CYP2C19: variants seen among roughly 807,000 people sequenced by gnomAD.
CYP2C19 encodes the protein cytochrome P450 2C19.
CYP2C19 carries 59 observed loss-of-function variants against 40.9 expected under a neutral mutation model. That is an observed-to-expected ratio of 1.44 (90% CI 1.17 to 1.79). The LOEUF (loss-of-function observed/expected upper bound fraction) is 1.79, where lower values mean the gene tolerates loss of function less well. Among genes scored for constraint, CYP2C19 ranks in the 40% most tolerant of loss-of-function variants. CYP2C19 has a pLI of 0.00. For synonymous variants in CYP2C19, 253 were observed against 208.7 expected (o/e 1.21, Z -1.83); for missense variants, 754 against 596.9 (o/e 1.26, Z -2.74).
At chr10:94,802,080 C>A (rs867847799) in intron 5 of CYP2C19, among the ~76,000 whole-genome samples, 13 of 152,008 alleles carry the variant, frequency 8.6e-5, no homozygotes, top group African/African-American at 3.1e-4. Flanking sequence ...GCTGATTGGT[C>A]CATTTTACCG....
intron 5 of CYP2C19, among the ~76,000 whole-genome samples, chr10:94,799,120 T>C (rs1303373715): frequency 6.6e-6 from 1 of 152,112 alleles, no homozygotes; most frequent in Non-Finnish European, 1.5e-5. Context: ...CAATTTAGCA[T>C]GTTTTTGTAG....
At chr10:94,823,008 C>T (rs1180268732) in intron 6 of CYP2C19, among the ~76,000 whole-genome samples, 2 of 151,740 alleles carry the variant, frequency 1.3e-5, no homozygotes, top group Non-Finnish European at 2.9e-5. Flanking sequence ...ATGTAGAGTA[C>T]AGGCAATAGT....
chr10:94,812,965 C>T lies in CYP2C19; in HGVS notation c.820-7531C>T, dbSNP rs147746596. On this transcript the variant is annotated intron_variant, in intron 5 of 8. Transcript: ENST00000371321. The stretch of plus-strand genomic sequence containing the variant: ...ATGTTCTGGTTTTTGAAATTTTCAG[C>T]CTTTTTGTGCTGTTTTTTTTTTCTC... Among the ~76,000 whole-genome samples, 119 of 151,498 alleles carry T rather than the reference C, an allele frequency of 7.9e-4. 3 individuals carry two copies. Among genetic ancestry groups the T allele is most frequent in the Middle Eastern group, 3.4e-3 (1 of 294 alleles).
At chr10:94,781,684 C>T (rs942697360) in intron 4 of CYP2C19, 137 bp from the exon 5 acceptor site, 8 of 357,460 alleles carry the variant, frequency 2.2e-5, no homozygotes, top group Non-Finnish European at 3.4e-5. Flanking sequence ...TACACATGTA[C>T]AATAAAAATT....
At chr10:94,781,534 A>G (rs532287106) in intron 4 of CYP2C19, among the ~76,000 whole-genome samples, 7 of 152,232 alleles carry the variant, frequency 4.6e-5, no homozygotes, top group Non-Finnish European at 1.0e-4. Context: ...TGTAGAGAAG[A>G]ATTGTTGTAA....
chr10:94,787,344 GT>G (rs1404277694), intron 5 of CYP2C19, among the ~76,000 whole-genome samples: 1 of 151,960 alleles, frequency 6.6e-6, no homozygotes, highest in African/African-American at 2.4e-5. Flanking sequence ...GAAGTTATTT[GT>G]TTTTTAACTT....
chr10:94,792,150 T>G (rs1179795791), intron 5 of CYP2C19, among the ~76,000 whole-genome samples: 2 of 152,230 alleles, frequency 1.3e-5, no homozygotes, highest in East Asian at 1.9e-4. Flanking sequence ...TCTTTGTTGG[T>G]TAAAGTCTGT....
intron 1 of CYP2C19, among the ~76,000 whole-genome samples, chr10:94,767,505 C>T (rs761495974): frequency 4.6e-5 from 7 of 152,162 alleles, no homozygotes; most frequent in Admixed American, 1.3e-4. Flanking sequence ...ATTGAAATCC[C>T]TTTGACTTAG....
At chr10:94,767,143 G>A (rs374146876) in intron 1 of CYP2C19, among the ~76,000 whole-genome samples, 10 of 152,130 alleles carry the variant, frequency 6.6e-5, no homozygotes, top group African/African-American at 1.9e-4. Flanking sequence ...TGAGAATTTC[G>A]GATTCTCAAC....
chr10:94,829,639 CCTT>C (rs1849294604), intron 6 of CYP2C19, among the ~76,000 whole-genome samples: 1 of 151,760 alleles, frequency 6.6e-6, no homozygotes, highest in Non-Finnish European at 1.5e-5. Flanking sequence ...TCGTCTGAAG[CCTT>C]CTTCTCTCAG....
intron 5 of CYP2C19, among the ~76,000 whole-genome samples, chr10:94,798,986 C>T (rs1406219058): frequency 3.3e-5 from 5 of 151,924 alleles, no homozygotes; most frequent in East Asian, 1.9e-4. Flanking sequence ...TTAATTGGGG[C>T]ACTTAGCCCA....
At chr10:94,850,162 T>C (rs1849631443) in intron 8 of CYP2C19, 104 bp downstream of exon 8, 1 of 1,343,408 alleles carries the variant, frequency 7.4e-7, no homozygotes, top group African/African-American at 1.4e-5. Context: ...TTACTCTTTG[T>C]ACATGATCAA....
chr10:94,770,756 A>T (rs999688390), intron 1 of CYP2C19, among the ~76,000 whole-genome samples: 1 of 152,170 alleles, frequency 6.6e-6, no homozygotes, highest in African/African-American at 2.4e-5. Context: ...GACATCATTG[A>T]ATAATTCATG....
rs1330964239 is a variant in CYP2C19, at chr10:94,772,606, G to A, written c.169-2452G>A. ...TCAACCAACTTGTTGTCGGGACCCC[G>A]GAGCTGAATGGCTTTCCTCTCTGTC... On this transcript the variant is annotated intron_variant, in intron 1 of 8. Coordinates refer to ENST00000371321, the MANE Select transcript of CYP2C19 (RefSeq NM_000769.4). Among the ~76,000 whole-genome samples the A allele has an allele frequency of 3.9e-5, 6 of 152,238 alleles. No homozygotes were observed. The South Asian group carries it at 1.0e-3, about 26-fold the overall frequency.
At chr10:94,777,783 A>G (rs1429765585) in intron 3 of CYP2C19, among the ~76,000 whole-genome samples, 1 of 152,204 alleles carries the variant, frequency 6.6e-6, no homozygotes, top group East Asian at 1.9e-4. Context: ...AATGGCAACA[A>G]AAGCCAAAAT....
At chr10:94,791,507 C>T (rs1436452506) in intron 5 of CYP2C19, among the ~76,000 whole-genome samples, 1 of 151,766 alleles carries the variant, frequency 6.6e-6, no homozygotes, top group Non-Finnish European at 1.5e-5. Context: ...GTATTTAGTG[C>T]TATAAATTTC....
At chr10:94,827,360 G>C (rs956878429) in intron 6 of CYP2C19, among the ~76,000 whole-genome samples, 1 of 151,960 alleles carries the variant, frequency 6.6e-6, no homozygotes, top group African/African-American at 2.4e-5. Flanking sequence ...GGTCTATTCA[G>C]AGATTCAACT....
intron 5 of CYP2C19, among the ~76,000 whole-genome samples, chr10:94,794,425 C>T (rs1848654135): frequency 1.3e-5 from 2 of 152,190 alleles, no homozygotes; most frequent in African/African-American, 4.8e-5. Flanking sequence ...AATCACCCAT[C>T]TTCTACATTG....
At chr10:94,834,701 G>A (rs550421546) in intron 6 of CYP2C19, among the ~76,000 whole-genome samples, 4 of 152,210 alleles carry the variant, frequency 2.6e-5, no homozygotes, top group African/African-American at 7.2e-5. Context: ...GTGCTTTCAG[G>A]CAGCAGATGA....
Sources: gnomAD v4.1 joint callset for allele counts (sites outside exome capture counted in the v4.1 genomes callset) on GRCh38, gnomAD v4.1.1 for gene constraint, MANE v1.5 for transcripts, NCBI Gene and HGNC (gene_info 2026-07-23, HGNC 2026-07-21) for gene names.